TMED3: variants seen among roughly 807,000 people sequenced by gnomAD.
The protein encoded by TMED3 is transmembrane emp24 domain-containing protein 3.
TMED3 carries 9 observed loss-of-function variants against 15.0 expected under a neutral mutation model. That is an observed-to-expected ratio of 0.60 (90% confidence interval 0.36 to 1.04). The LOEUF (loss-of-function observed/expected upper bound fraction) is 1.04. Among genes scored for constraint, TMED3 ranks in the 50% least tolerant of loss-of-function variants. The pLI is 0.01. For missense variants in TMED3, 267 were observed against 278.9 expected (o/e 0.96, Z 0.30); for synonymous variants, 117 against 121.4 (o/e 0.96, Z 0.24).
intron 2 of TMED3, among the ~76,000 whole-genome samples, chr15:79,340,725 T>G (rs2058848672): frequency 6.6e-6 from 1 of 152,196 alleles, no homozygotes; most frequent in Non-Finnish European, 1.5e-5. Context: ...ATGCATTCAT[T>G]CATTAATTTT....
chr15:79,331,259 A>G (rs1015379542), intron 2 of TMED3, among the ~76,000 whole-genome samples: 4 of 152,248 alleles, frequency 2.6e-5, no homozygotes, highest in African/African-American at 7.2e-5. Context: ...AACCCAAACC[A>G]TAACACAGTG....
At chr15:79,367,564 C>T (rs546772726) in intron 2 of TMED3, among the ~76,000 whole-genome samples, 1 of 152,280 alleles carries the variant, frequency 6.6e-6, no homozygotes, top group East Asian at 1.9e-4. Flanking sequence ...CCAGAGCGTG[C>T]AAGCTCCCTC....
chr15:79,395,444 G>C lies in TMED3; in HGVS notation c.418-15956G>C, dbSNP rs1450290521. Among the ~76,000 whole-genome samples, 9 of 152,252 alleles carry C rather than the reference G, an allele frequency of 5.9e-5. No individual in the cohort carries two copies. In the South Asian group the frequency reaches 1.9e-3, roughly 32 times the overall value. On this transcript the variant is annotated intron_variant, in intron 2 of 2. Transcript: ENST00000424155. ...GATCCACCCGCATGGGCCTCCCAAAGTGTTGGGATTACACGCTTGAGCCAC... is the reference window on the plus strand; with the variant it reads ...GATCCACCCGCATGGGCCTCCCAAACTGTTGGGATTACACGCTTGAGCCAC...
intron 2 of TMED3, chr15:79,411,342 G>A: frequency 2.9e-6 from 2 of 696,852 alleles, no homozygotes; most frequent in Non-Finnish European, 5.2e-6. Flanking sequence ...TTTATCCTGG[G>A]CAGTTCATGG....
intron 2 of TMED3, among the ~76,000 whole-genome samples, chr15:79,352,568 T>G (rs2174823): frequency 0.094 from 14,156 of 150,478 alleles, 704 homozygotes; most frequent in Admixed American, 0.12. Context: ...GCCCCTAAAA[T>G]AAAATAAAAT....
chr15:79,344,686 A>AT (rs2058862782), intron 2 of TMED3, among the ~76,000 whole-genome samples: 1 of 152,180 alleles, frequency 6.6e-6, no homozygotes, highest in South Asian at 2.1e-4. Flanking sequence ...GAAGACATGA[A>AT]TTTGGGGGAA....
intron 2 of TMED3, among the ~76,000 whole-genome samples, chr15:79,369,706 G>T (rs1481247086): frequency 1.3e-5 from 2 of 152,216 alleles, no homozygotes; most frequent in African/African-American, 4.8e-5. Context: ...TCTTGTTTTT[G>T]TCTTGGTCCA....
chr15:79,362,376 C>G (rs936887465), intron 2 of TMED3, among the ~76,000 whole-genome samples: 1 of 151,356 alleles, frequency 6.6e-6, no homozygotes, highest in Admixed American at 6.6e-5. Context: ...GTTCCAGCTA[C>G]TCAGGAGGCT....
chr15:79,327,429 A>G (rs796804843), downstream of TMED3, among the ~76,000 whole-genome samples: 3 of 152,262 alleles, frequency 2.0e-5, no homozygotes, highest in African/African-American at 7.2e-5. Flanking sequence ...TCTAGAAAAC[A>G]GGGATGATTA....
intron 2 of TMED3, among the ~76,000 whole-genome samples, chr15:79,377,679 G>T (rs367818756): frequency 2.3e-5 from 3 of 129,658 alleles, no homozygotes; most frequent in African/African-American, 9.0e-5. Flanking sequence ...ACGGAGTCTC[G>T]CTCTTTCGCC....
intron 2 of TMED3, among the ~76,000 whole-genome samples, chr15:79,349,885 T>C (rs1371087550): frequency 6.6e-6 from 1 of 152,224 alleles, no homozygotes; most frequent in African/African-American, 2.4e-5. Context: ...GAAACTCACC[T>C]TTCAGAAAGC....
intron 2 of TMED3, among the ~76,000 whole-genome samples, chr15:79,350,201 G>T (rs142831359): frequency 2.2e-4 from 33 of 152,300 alleles, no homozygotes; most frequent in African/African-American, 7.9e-4. Flanking sequence ...TGGATGAATA[G>T]CTGGACGGTT....
chr15:79,311,640 C>T (rs2141210441), intron 1 of TMED3, among the ~76,000 whole-genome samples: 1 of 152,310 alleles, frequency 6.6e-6, no homozygotes, highest in East Asian at 1.9e-4. Flanking sequence ...GTAGTCAGCG[C>T]CGCAGGTGCG....
At chr15:79,342,407 C>A (rs2058854869) in intron 2 of TMED3, among the ~76,000 whole-genome samples, 1 of 151,940 alleles carries the variant, frequency 6.6e-6, no homozygotes. Context: ...ACTTTTATAT[C>A]AAAAAAGGTT....
intron 2 of TMED3, among the ~76,000 whole-genome samples, chr15:79,406,358 CAG>C (rs1241012229): frequency 6.6e-6 from 1 of 152,134 alleles, no homozygotes; most frequent in Non-Finnish European, 1.5e-5. Context: ...TGACAACTGA[CAG>C]AATAACTAGA....
chr15:79,349,800 C>T (rs1047293952), intron 2 of TMED3, among the ~76,000 whole-genome samples: 1 of 152,310 alleles, frequency 6.6e-6, no homozygotes, highest in South Asian at 2.1e-4. Context: ...GTTCTTCCGC[C>T]TAGAAGGCTC....
chr15:79,311,528 G>T, intron 1 of TMED3, 111 bp downstream of exon 1: 1 of 1,337,216 alleles, frequency 7.5e-7, no homozygotes, highest in South Asian at 1.5e-5. Context: ...GCTACAGGGA[G>T]GCTGCATGGG....
At chr15:79,357,842 G>A (rs2058925593) in intron 2 of TMED3, among the ~76,000 whole-genome samples, 1 of 152,104 alleles carries the variant, frequency 6.6e-6, no homozygotes, top group African/African-American at 2.4e-5. Context: ...TTTCCCATCT[G>A]GGAAGTTAAT....
At chr15:79,319,625 C>T (rs1422080717) in intron 2 of TMED3, among the ~76,000 whole-genome samples, 1 of 152,204 alleles carries the variant, frequency 6.6e-6, no homozygotes, top group Non-Finnish European at 1.5e-5. Flanking sequence ...CAGGGGACCA[C>T]TACCACCAAG....
Sources: allele counts gnomAD v4.1 joint callset (sites outside exome capture counted in the v4.1 genomes callset), GRCh38; gene constraint gnomAD v4.1.1; transcripts MANE v1.5; gene names NCBI Gene and HGNC (gene_info 2026-07-23, HGNC 2026-07-21).